The following PRMT8 variants were observed in gnomAD, a reference collection of about 807,000 sequenced individuals.
PRMT8 encodes protein arginine N-methyltransferase 8.
Under a neutral mutation model 47.1 loss-of-function variants are expected in PRMT8, and 7 were observed. The observed-to-expected ratio is 0.15, with a 90% CI of 0.08 to 0.28. The LOEUF (loss-of-function observed/expected upper bound fraction) is 0.28, where lower values mean the gene tolerates loss of function less well. PRMT8 is among the 10% of genes least tolerant of loss of function. The pLI is 1.00. For synonymous variants in PRMT8, 188 were observed against 186.5 expected, an observed-to-expected ratio of 1.01 and a Z score of -0.07; for missense variants, 237 against 505.4, an observed-to-expected ratio of 0.47 and a Z score of 5.09.
intron 7 of PRMT8, among the ~76,000 whole-genome samples, chr12:3,578,693 CG>C (rs1366064705): frequency 6.6e-6 from 1 of 152,042 alleles, no homozygotes; most frequent in Non-Finnish European, 1.5e-5. Context: ...CCACTAAGGA[CG>C]GGGGTGGGGG....
intron 1 of PRMT8, among the ~76,000 whole-genome samples, chr12:3,518,237 T>C (rs75175514): frequency 0.012 from 1,893 of 152,142 alleles, 16 homozygotes; most frequent in Middle Eastern, 0.068. Context: ...TTACCTAAAC[T>C]TGAGGGAAGA....
intron 3 of PRMT8, chr12:3,553,133 G>A (rs745752299): frequency 4.1e-4 from 83 of 204,636 alleles, no homozygotes; most frequent in Non-Finnish European, 3.4e-4. Context: ...GAGCTAACGT[G>A]GGGGGTGGGA....
chr12:3,553,596 G>T, intron 3 of PRMT8, 55 bp from the exon 4 acceptor site: 1 of 1,414,274 alleles, frequency 7.1e-7, no homozygotes, highest in Non-Finnish European at 1.0e-6. Flanking sequence ...AATCGGTGTG[G>T]GTCTTGCTGT....
chr12:3,458,109 G>A (rs1864996327), intron 1 of PRMT8, among the ~76,000 whole-genome samples: 1 of 152,166 alleles, frequency 6.6e-6, no homozygotes, highest in Non-Finnish European at 1.5e-5. Flanking sequence ...CCAAAGCGCT[G>A]GGATTACAGG....
chr12:3,468,434 G>A (rs950134488), intron 1 of PRMT8, among the ~76,000 whole-genome samples: 3 of 152,140 alleles, frequency 2.0e-5, no homozygotes, highest in Non-Finnish European at 4.4e-5. Flanking sequence ...TCGTCACAGA[G>A]TGCCCATCTC....
At chr12:3,461,611 G>A (rs1865042122) in intron 1 of PRMT8, among the ~76,000 whole-genome samples, 2 of 152,226 alleles carry the variant, frequency 1.3e-5, no homozygotes, top group Non-Finnish European at 2.9e-5. Context: ...TGTGTCCTCA[G>A]CAGACACAAG....
intron 1 of PRMT8, among the ~76,000 whole-genome samples, chr12:3,467,792 A>G (rs963019406): frequency 2.0e-5 from 3 of 152,244 alleles, no homozygotes; most frequent in African/African-American, 7.2e-5. Flanking sequence ...TCTCACAGGC[A>G]CCTCATTCCT....
At chr12:3,466,308 G>A (rs770462503) in intron 1 of PRMT8, among the ~76,000 whole-genome samples, 11 of 152,288 alleles carry the variant, frequency 7.2e-5, no homozygotes, top group South Asian at 4.1e-4. Context: ...TGGCCGGTCT[G>A]ATGATCCCCA....
At chr12:3,568,881 C>G (rs201808249) in intron 5 of PRMT8, 33 bp downstream of exon 5, 4 of 1,612,312 alleles carry the variant, frequency 2.5e-6, no homozygotes, top group Non-Finnish European at 3.4e-6. Context: ...CCGCGTTGGC[C>G]GGCTGGCTGT....
At chr12:3,497,407 A>G (rs1472861923) in intron 1 of PRMT8, among the ~76,000 whole-genome samples, 1 of 152,208 alleles carries the variant, frequency 6.6e-6, no homozygotes, top group Non-Finnish European at 1.5e-5. Flanking sequence ...CGAGTGTCTC[A>G]GTAGTCGGAA....
Position 3,540,613 on chromosome 12 carries a change from G to GGCCCCCCCGGCC in PRMT8, c.83_84insGCCCCCCCGGCC (p.Ser28delinsArgProProArgPro). The GGCCCCCCCGGCC allele has an allele frequency of 3.5e-6, 4 of 1,130,522 alleles. No homozygotes were observed. Among genetic ancestry groups the GGCCCCCCCGGCC allele is most frequent in the East Asian group, 2.4e-5 (1 of 42,438 alleles). 70.0% of individuals were successfully genotyped at this position (1,130,522 alleles called of 1,614,324 possible). A position where few individuals can be genotyped will look rare whatever the true frequency, so the allele number is the denominator to read the frequency against. On this transcript the variant is annotated protein_altering_variant, in exon 2 of 10. Transcript: ENST00000382622. ...CCCTTCTCTTCCCCTCAGGTGAACA[G>GGCCCCCCCGGCC]CCCCCCCTCCCAGCCCCCCCAGCCC...
intron 1 of PRMT8, among the ~76,000 whole-genome samples, chr12:3,455,687 G>A (rs948859357): frequency 1.3e-5 from 2 of 152,170 alleles, no homozygotes; most frequent in Non-Finnish European, 2.9e-5. Context: ...GAGGGTCAGC[G>A]GGGGGTGGGG....
Position 3,577,098 on chromosome 12 carries a change from G to C in PRMT8, c.828+112G>C, listed in dbSNP as rs878884108. 114 of 866,592 alleles carry C rather than the reference G, an allele frequency of 1.3e-4. 1 individual carries two copies. The South Asian group carries it at 1.7e-3, about 13-fold the overall frequency. The allele number at this position is 866,592 out of a possible 1,614,324, so 53.7% of individuals were successfully genotyped here. A position where few individuals can be genotyped will look rare whatever the true frequency, so the allele number is the denominator to read the frequency against. On this transcript the variant is annotated intron_variant, in intron 7 of 9. Transcript: ENST00000382622. ...AGCCCCCACCTGGTGAGGCAAGGCT[G>C]CCTTGGCCAGAGCCTGTGATGCTCC...
Position 3,476,599 on chromosome 12 carries a change from C to T in PRMT8, c.49-64007C>T, listed in dbSNP as rs533722827. 1.1e-4 allele frequency among the ~76,000 whole-genome samples: 16 copies of T among 152,206 alleles called. No homozygotes were observed. In the East Asian group the frequency reaches 1.9e-3, roughly 18 times the overall value. On this transcript the variant is annotated intron_variant, in intron 1 of 9. Transcript: ENST00000452611. Reference sequence around the variant, plus strand: ...TCTCTCTTAGGATAGGAGTTTTGCTCGTCGCTCTGCAGAAAGGTCATGAGA... The same window carrying T: ...TCTCTCTTAGGATAGGAGTTTTGCTTGTCGCTCTGCAGAAAGGTCATGAGA...
chr12:3,458,966 G>A lies in PRMT8; in HGVS notation c.48+77524G>A, dbSNP rs142813534. ...CAGTGGCCTCATCGGGTTGGCACTT[G>A]TCCACTTGCTTTTCTAGCTGGGACA... On this transcript the variant is annotated intron_variant, in intron 1 of 9. Transcript: ENST00000452611. Among the ~76,000 whole-genome samples the A allele has an allele frequency of 1.6e-4, 25 of 152,324 alleles. No individual in the cohort carries two copies. In the East Asian group the frequency reaches 4.8e-3, roughly 29 times the overall value.
rs754148479 is a variant in PRMT8 at position 3,491,685 on chromosome 12, G to A, written c.60G>A (p.Ala20=). Reference sequence around the variant, plus strand: ...TGAGGAGGAAAATGGCGGAGAACGCGGCCGAGAGCACCGAGGTAAGGAGGC... The same window carrying A: ...TGAGGAGGAAAATGGCGGAGAACGCAGCCGAGAGCACCGAGGTAAGGAGGC... The part of the protein sequence containing the change: ...LLLRRKMAEN[A]AESTEVNSPP... Residue 20 remains alanine, a synonymous_variant, in exon 1 of 10, where the codon GCG becomes GCA. Coordinates refer to ENST00000382622, the MANE Select transcript of PRMT8 (RefSeq NM_019854.5). The A allele has an allele frequency of 1.2e-6, 2 of 1,610,546 alleles. No individual in the cohort carries two copies. The highest frequency in any genetic ancestry group is 2.7e-5 in the African/African-American group (2 of 74,698).
At chr12:3,448,071 A>T (rs552560222) in intron 1 of PRMT8, among the ~76,000 whole-genome samples, 5 of 152,046 alleles carry the variant, frequency 3.3e-5, no homozygotes, top group Non-Finnish European at 5.9e-5. Flanking sequence ...ATCATATCTC[A>T]CTTTATCCTT....
chr12:3,418,260 C>T (rs1254372098), intron 1 of PRMT8, among the ~76,000 whole-genome samples: 2 of 152,226 alleles, frequency 1.3e-5, no homozygotes, highest in Non-Finnish European at 2.9e-5. Flanking sequence ...TTGAAAGCCT[C>T]TTCAGCCCTT....
At chr12:3,421,705 T>C (rs1463349333) in intron 1 of PRMT8, among the ~76,000 whole-genome samples, 2 of 152,242 alleles carry the variant, frequency 1.3e-5, no homozygotes, top group Non-Finnish European at 2.9e-5. Flanking sequence ...CTGCCATCTC[T>C]GGGAAACAGG....
Sources: allele counts gnomAD v4.1 joint callset (sites outside exome capture counted in the v4.1 genomes callset), GRCh38; gene constraint gnomAD v4.1.1; transcripts MANE v1.5; gene names NCBI Gene and HGNC (gene_info 2026-07-23, HGNC 2026-07-21).